Variants in BASP1 observed in about 807,000 individuals in gnomAD.
BASP1 encodes brain abundant membrane attached signal protein 1.
Under a neutral mutation model 2.2 loss-of-function variants are expected in BASP1, and 1 was observed. The observed-to-expected ratio is 0.46, with a 90% CI of 0.16 to 2.17. BASP1 has a LOEUF of 2.17. Among genes scored for constraint, BASP1 ranks in the 30% most tolerant of loss-of-function variants. BASP1 has a pLI of 0.27. For synonymous variants in BASP1, 187 were observed against 154.2 expected (o/e 1.21, Z -1.58); for missense variants, 352 against 327.2 (o/e 1.08, Z -0.58).
At chr5:17,263,624 G>A (rs1740362789) in intron 1 of BASP1, among the ~76,000 whole-genome samples, 1 of 152,108 alleles carries the variant, frequency 6.6e-6, no homozygotes, top group Admixed American at 6.5e-5. Flanking sequence ...ATCTTCTTTT[G>A]TATTAGGGAC....
chr5:17,256,246 G>C (rs1039761539), intron 1 of BASP1, among the ~76,000 whole-genome samples: 3 of 152,226 alleles, frequency 2.0e-5, no homozygotes, highest in Admixed American at 6.5e-5. Flanking sequence ...TTGTGGAATA[G>C]ATTGATTTTT....
At chr5:17,247,974 T>C (rs1052370285) in intron 1 of BASP1, among the ~76,000 whole-genome samples, 5 of 152,216 alleles carry the variant, frequency 3.3e-5, no homozygotes, top group African/African-American at 9.6e-5. Context: ...TGGAGTTGAC[T>C]TATGTGTAGA....
At position 17,275,395 on chromosome 5, in the gene BASP1, A is replaced by G. The variant is rs1740618692; in HGVS notation, c.179A>G (p.Gln60Arg). ...AAGGAGGGCAAGGAGAAGCCCGACC[A>G]GGACGCCGAGGGCAAGGCCGAGGAG... Reference protein sequence around the residue: ...EAKEGKEKPDQDAEGKAEEKE... With the variant: ...EAKEGKEKPDRDAEGKAEEKE... Residue 60 changes from glutamine (Q) to arginine (R), a missense_variant, in exon 2 of 2, where the codon CAG (glutamine) becomes CGG (arginine). Coordinates refer to ENST00000322611, the MANE Select transcript of BASP1 (RefSeq NM_006317.5). The surrounding 1 kb of genome is among the most constrained non-coding windows in gnomAD (Gnocchi z 5.3). 1 of 1,581,014 alleles carries G rather than the reference A, an allele frequency of 6.3e-7. No individual in the cohort carries two copies. The highest frequency in any genetic ancestry group is 1.4e-5 in the African/African-American group (1 of 73,692).
chr5:17,257,028 G>A (rs1300940284), intron 1 of BASP1, among the ~76,000 whole-genome samples: 1 of 152,170 alleles, frequency 6.6e-6, no homozygotes, highest in Non-Finnish European at 1.5e-5. Context: ...GAAATAGTTT[G>A]GAAAAGACAC....
At chr5:17,272,613 T>A (rs1740552689) in intron 1 of BASP1, among the ~76,000 whole-genome samples, 2 of 152,216 alleles carry the variant, frequency 1.3e-5, no homozygotes, top group South Asian at 4.1e-4. Flanking sequence ...ATCCTGCTTT[T>A]CGAGGGTTCA....
intron 1 of BASP1, among the ~76,000 whole-genome samples, chr5:17,266,889 A>C (rs1740426038): frequency 6.6e-6 from 1 of 151,604 alleles, no homozygotes; most frequent in Non-Finnish European, 1.5e-5. Context: ...ATAATCTTTC[A>C]AAATGTTGCC....
At chr5:17,243,268 C>A (rs1280430072) in intron 1 of BASP1, among the ~76,000 whole-genome samples, 1 of 151,988 alleles carries the variant, frequency 6.6e-6, no homozygotes, top group African/African-American at 2.4e-5. Context: ...TGTGCCTTAA[C>A]CCCCCGAGTA....
intron 1 of BASP1, among the ~76,000 whole-genome samples, chr5:17,245,684 T>G (rs1739970438): frequency 6.6e-6 from 1 of 152,074 alleles, no homozygotes; most frequent in Admixed American, 6.6e-5. Context: ...CAGTTTTTAC[T>G]GTTTGGCTTA....
chr5:17,264,957 A>G (rs1304400757), intron 1 of BASP1, among the ~76,000 whole-genome samples: 1 of 152,214 alleles, frequency 6.6e-6, no homozygotes, highest in Non-Finnish European at 1.5e-5. Context: ...ATAAATAGGA[A>G]TGGCATGTAA....
intron 1 of BASP1, among the ~76,000 whole-genome samples, chr5:17,221,650 A>G (rs1054047029): frequency 5.9e-5 from 9 of 152,176 alleles, no homozygotes; most frequent in Admixed American, 5.9e-4. Context: ...TTATTGTTAT[A>G]TCAAATTTTC....
At chr5:17,239,661 A>G (rs1198619392) in intron 1 of BASP1, among the ~76,000 whole-genome samples, 15 of 152,198 alleles carry the variant, frequency 9.9e-5, no homozygotes, top group Non-Finnish European at 2.1e-4. Flanking sequence ...CTTGCAAAGT[A>G]AAGCTGATCC....
In BASP1 at chr5:17,275,932, T is replaced by A; in HGVS notation, c.*32T>A. On this transcript the variant is annotated 3_prime_UTR_variant, in exon 2 of 2. Transcript: ENST00000322611. This position sits in a 1 kb window ranked among gnomAD's most constrained non-coding sequence, Gnocchi z 5.3. ...CAGCCTATAGGAAAAACAATACCAC[T>A]TAAAACAATCTCCTCTCTCTCTCTC... 1 of 1,486,638 alleles carries A rather than the reference T, an allele frequency of 6.7e-7. No individual in the cohort carries two copies. 92.1% of individuals were successfully genotyped at this position (1,486,638 alleles called of 1,614,324 possible).
At position 17,230,556 on chromosome 5, in the gene BASP1, TTTA is replaced by T. The variant is rs138045301; in HGVS notation, c.-10+12755_-10+12757del. 3.2e-3 allele frequency among the ~76,000 whole-genome samples: 480 copies of T among 152,186 alleles called. 3 individuals are homozygous for T. Among genetic ancestry groups the T allele is most frequent in the African/African-American group, 0.011 (459 of 41,524 alleles). On this transcript the variant is annotated intron_variant, in intron 1 of 1. Coordinates refer to ENST00000322611, the MANE Select transcript of BASP1 (RefSeq NM_006317.5). ...ACTTAACCCTTTTGAGAGGGTCCTT[TTTA>T]TTATTATTTCATTTTATTTTATTTT...
rs1740649667 is a variant in BASP1 at position 17,275,961 on chromosome 5, C to CTCTCTCTCTCTA, written c.*70_*71insCTATCTCTCTCT. 1 of 1,394,082 alleles carries CTCTCTCTCTCTA rather than the reference C, an allele frequency of 7.2e-7. No homozygotes were observed. The highest frequency in any genetic ancestry group is 9.6e-7 in the Non-Finnish European group (1 of 1,045,968). The allele number at this position is 1,394,082 out of a possible 1,614,324, so 86.4% of individuals were successfully genotyped here. A position where few individuals can be genotyped will look rare whatever the true frequency, so the allele number is the denominator to read the frequency against. On this transcript the variant is annotated 3_prime_UTR_variant, in exon 2 of 2. Coordinates refer to ENST00000322611, the MANE Select transcript of BASP1 (RefSeq NM_006317.5). The surrounding 1 kb of genome is among the most constrained non-coding windows in gnomAD (Gnocchi z 5.3). ...AACAATCTCCTCTCTCTCTCTCTCT[C>CTCTCTCTCTCTA]TCTCTCTCTATCTCTCTCTCTATCT...
At chr5:17,233,210 G>T (rs996590376) in intron 1 of BASP1, among the ~76,000 whole-genome samples, 3 of 152,150 alleles carry the variant, frequency 2.0e-5, no homozygotes, top group Non-Finnish European at 4.4e-5. Context: ...CGTCTTTATT[G>T]TCTATACCTG....
intron 1 of BASP1, among the ~76,000 whole-genome samples, chr5:17,261,697 C>G (rs1164252311): frequency 6.6e-6 from 1 of 152,226 alleles, no homozygotes; most frequent in South Asian, 2.1e-4. Flanking sequence ...GAACTTTGCG[C>G]TGTCAAGATT....
intron 1 of BASP1, among the ~76,000 whole-genome samples, chr5:17,267,715 C>T (rs1579502418): frequency 6.6e-6 from 1 of 150,810 alleles, no homozygotes; most frequent in East Asian, 2.0e-4. Context: ...GACGAGGTTT[C>T]ACCATGTTGG....
chr5:17,234,153 C>A lies in BASP1; in HGVS notation c.-10+16343C>A, dbSNP rs139159945. 8.4e-4 allele frequency among the ~76,000 whole-genome samples: 127 copies of A among 151,546 alleles called. 2 individuals carry two copies. The highest frequency in any genetic ancestry group is 3.0e-3 in the African/African-American group (122 of 41,020). ...CTCAAAAACAAACAAACAAACAAAA[C>A]AAACAAAAAACAATACTGGAAAATA... On this transcript the variant is annotated intron_variant, in intron 1 of 1. Transcript: ENST00000322611.
chr5:17,248,190 A>G (rs112206652), intron 1 of BASP1, among the ~76,000 whole-genome samples: 1 of 152,210 alleles, frequency 6.6e-6, no homozygotes, highest in Non-Finnish European at 1.5e-5. Context: ...ACGTGTGACA[A>G]TCCCTTGGCT....
Sources: allele counts gnomAD v4.1 joint callset (sites outside exome capture counted in the v4.1 genomes callset), GRCh38; gene constraint gnomAD v4.1.1; non-coding constraint Gnocchi (gnomAD v3.1); transcripts MANE v1.5; gene names NCBI Gene and HGNC (gene_info 2026-07-23, HGNC 2026-07-21).